The following DTD1 variants were observed in gnomAD, a reference collection of about 807,000 sequenced individuals.
The protein encoded by DTD1 is D-aminoacyl-tRNA deacylase 1.
Under a neutral mutation model 25.6 loss-of-function variants are expected in DTD1, and 13 were observed. The ratio of observed to expected loss-of-function variants is 0.51; its 90% confidence interval spans 0.33 to 0.81. The LOEUF (loss-of-function observed/expected upper bound fraction) is 0.81, where lower values mean the gene tolerates loss of function less well. Among genes scored for constraint, DTD1 ranks in the 30% least tolerant of loss-of-function variants. The pLI is 0.02. For synonymous variants in DTD1, 110 were observed against 103.6 expected (o/e 1.06, Z -0.37); for missense variants, 193 against 266.4 (o/e 0.72, Z 1.92).
intron 3 of DTD1, among the ~76,000 whole-genome samples, chr20:18,606,776 GGT>G (rs2060660511): frequency 3.4e-5 from 1 of 29,348 alleles, no homozygotes; most frequent in South Asian, 1.4e-3. Context: ...TGGGGACTGT[GGT>G]GGGGGGGGGG....
At chr20:18,664,261 T>G (rs2060922758) in intron 4 of DTD1, among the ~76,000 whole-genome samples, 1 of 152,198 alleles carries the variant, frequency 6.6e-6, no homozygotes, top group African/African-American at 2.4e-5. Context: ...CTTTTCACTC[T>G]TTTTTTCCAA....
chr20:18,707,759 G>GCA (rs142535142), intron 4 of DTD1, among the ~76,000 whole-genome samples: 400 of 151,576 alleles, frequency 2.6e-3, no homozygotes, highest in African/African-American at 9.2e-3. Context: ...ACACACGCGC[G>GCA]CACACACACA....
At chr20:18,732,168 T>G (rs1366284240) in intron 4 of DTD1, among the ~76,000 whole-genome samples, 4 of 152,356 alleles carry the variant, frequency 2.6e-5, no homozygotes, top group East Asian at 1.9e-4. Context: ...ATAGACCAAG[T>G]GGGAGAGGAA....
chr20:18,754,808 A>G (rs185384069), intron 5 of DTD1, among the ~76,000 whole-genome samples: 40 of 152,354 alleles, frequency 2.6e-4, no homozygotes, highest in African/African-American at 6.3e-4. Flanking sequence ...AGCAACGTCT[A>G]TTGACCAATC....
At chr20:18,593,636 A>G in intron 1 of DTD1, 95 bp from the exon 2 acceptor site, 1 of 813,140 alleles carries the variant, frequency 1.2e-6, no homozygotes, top group Non-Finnish European at 2.1e-6. Flanking sequence ...TATAAGAAGT[A>G]TGTATGATGT....
intron 4 of DTD1, among the ~76,000 whole-genome samples, chr20:18,721,282 A>G (rs1044638429): frequency 5.9e-5 from 9 of 152,092 alleles, no homozygotes; most frequent in African/African-American, 2.2e-4. Flanking sequence ...GAGGGCATTT[A>G]CCATGTGTGG....
chr20:18,726,460 A>G (rs2061222855), intron 4 of DTD1, among the ~76,000 whole-genome samples: 1 of 152,186 alleles, frequency 6.6e-6, no homozygotes, highest in Admixed American at 6.5e-5. Context: ...TTGTCAATCA[A>G]GGGTTTTTTT....
intron 4 of DTD1, among the ~76,000 whole-genome samples, chr20:18,641,875 C>T (rs958445667): frequency 6.6e-5 from 10 of 152,040 alleles, no homozygotes; most frequent in African/African-American, 2.2e-4. Flanking sequence ...TGATGAAATC[C>T]AATTCGTCTG....
intron 4 of DTD1, chr20:18,632,427 G>A (rs6045528): frequency 1.0e-6 from 1 of 985,386 alleles, no homozygotes; most frequent in Admixed American, 6.1e-5. Flanking sequence ...GCCTGTGTTA[G>A]GTTGGTGCTG....
chr20:18,639,258 A>G (rs2060819978), intron 4 of DTD1, among the ~76,000 whole-genome samples: 1 of 151,438 alleles, frequency 6.6e-6, no homozygotes, highest in South Asian at 2.1e-4. Context: ...CAAGTGTTTC[A>G]CTATTGCCCA....
intron 3 of DTD1, among the ~76,000 whole-genome samples, chr20:18,623,592 G>C (rs2060744831): frequency 6.6e-6 from 1 of 152,176 alleles, no homozygotes; most frequent in Non-Finnish European, 1.5e-5. Context: ...AGCAAATCCT[G>C]TTTGCCTCAC....
chr20:18,762,765 A>G (rs1461446225), intron 5 of DTD1, among the ~76,000 whole-genome samples: 4 of 152,032 alleles, frequency 2.6e-5, no homozygotes, highest in Non-Finnish European at 4.4e-5. Flanking sequence ...CCAGAGACTT[A>G]TCTATTTTAT....
At chr20:18,697,093 G>A (rs577140950) in intron 4 of DTD1, among the ~76,000 whole-genome samples, 5 of 151,842 alleles carry the variant, frequency 3.3e-5, no homozygotes, top group Admixed American at 6.5e-5. Flanking sequence ...TTGTCCAGGC[G>A]TGGTGGTGGG....
chr20:18,680,550 T>C (rs2060993170), intron 4 of DTD1, among the ~76,000 whole-genome samples: 1 of 151,738 alleles, frequency 6.6e-6, no homozygotes, highest in Admixed American at 6.6e-5. Context: ...ATTGAACACC[T>C]ACTCTGACCT....
intron 4 of DTD1, among the ~76,000 whole-genome samples, chr20:18,674,090 T>C (rs974685684): frequency 1.3e-5 from 2 of 152,178 alleles, no homozygotes; most frequent in African/African-American, 4.8e-5. Context: ...CCTACTTTGG[T>C]GATTTTTTTT....
At chr20:18,615,423 C>T (rs1027400320) in intron 3 of DTD1, among the ~76,000 whole-genome samples, 1 of 152,170 alleles carries the variant, frequency 6.6e-6, no homozygotes, top group Non-Finnish European at 1.5e-5. Flanking sequence ...ACTGAGTAGG[C>T]ACAGGAAACT....
intron 4 of DTD1, among the ~76,000 whole-genome samples, chr20:18,731,731 T>A (rs2061239666): frequency 6.6e-6 from 1 of 152,242 alleles, no homozygotes; most frequent in Admixed American, 6.5e-5. Flanking sequence ...GTCATTATTT[T>A]TAATTGATTC....
chr20:18,643,346 C>G (rs1358262611), intron 4 of DTD1: 1 of 253,226 alleles, frequency 3.9e-6, no homozygotes, highest in Non-Finnish European at 8.3e-6. Context: ...GCTTCTCTAC[C>G]AGGTTGATCT....
At chr20:18,609,876 A>G (rs1349040862) in intron 3 of DTD1, among the ~76,000 whole-genome samples, 7 of 152,192 alleles carry the variant, frequency 4.6e-5, no homozygotes, top group Non-Finnish European at 1.0e-4. Flanking sequence ...TTCCTACCCT[A>G]TGTCCACTGG....
Sources: gnomAD v4.1 joint callset for allele counts (sites outside exome capture counted in the v4.1 genomes callset) on GRCh38, gnomAD v4.1.1 for gene constraint, MANE v1.5 for transcripts, NCBI Gene and HGNC (gene_info 2026-07-23, HGNC 2026-07-21) for gene names.